The following METTL9 variants were observed in gnomAD, a reference collection of about 807,000 sequenced individuals.
The protein encoded by METTL9 is methyltransferase 9, His-X-His N1(pi)-histidine.
In METTL9, 10 loss-of-function variants were observed where a neutral mutation model predicts 36.0. That is an observed-to-expected ratio of 0.28 (90% CI 0.17 to 0.47). The LOEUF (loss-of-function observed/expected upper bound fraction) is 0.47. Among genes scored for constraint, METTL9 ranks in the 20% least tolerant of loss-of-function variants. METTL9 has a pLI of 0.99. For synonymous variants in METTL9, 175 were observed against 149.7 expected (o/e 1.17, Z -1.23); for missense variants, 246 against 383.5 (o/e 0.64, Z 3.00).
chr16:21,622,305 A>T (rs1965724829), intron 3 of METTL9, among the ~76,000 whole-genome samples: 1 of 150,756 alleles, frequency 6.6e-6, no homozygotes, highest in African/African-American at 2.5e-5. Flanking sequence ...GTGTGCCACC[A>T]TCCTTGGCTA....
chr16:21,630,361 C>T (rs750817366), intron 4 of METTL9, among the ~76,000 whole-genome samples: 64 of 152,238 alleles, frequency 4.2e-4, no homozygotes, highest in Non-Finnish European at 6.8e-4. Flanking sequence ...GCAGAGGGAG[C>T]CGGCTCTGGC....
At chr16:21,619,622 G>T in intron 3 of METTL9, among the ~76,000 whole-genome samples, 1 of 130,526 alleles carries the variant, frequency 7.7e-6, no homozygotes. Context: ...ATTTTTAGTA[G>T]AGACAGGGTT....
At position 21,613,168 on chromosome 16, in the gene METTL9, C is replaced by CTTTTTTTT. The variant is rs57388340; in HGVS notation, c.356+362_356+369dup. ...ATCAGGGGCTAGGTCTGAGAGTCTG[C>CTTTTTTTT]TTTTTTTTTTTTTTTTTTTTTTTTT... is the stretch of plus-strand genomic sequence containing the variant. On this transcript the variant is annotated intron_variant, in intron 2 of 4. Coordinates refer to ENST00000358154, the MANE Select transcript of METTL9 (RefSeq NM_016025.5). Among the ~76,000 whole-genome samples, 115 of 91,408 alleles carry CTTTTTTTT rather than the reference C, an allele frequency of 1.3e-3. 21 individuals are homozygous for CTTTTTTTT. The highest frequency in any genetic ancestry group is 3.7e-3 in the African/African-American group (69 of 18,516). 60.0% of individuals were successfully genotyped at this position (91,408 alleles called of 152,430 possible).
intron 1 of METTL9, among the ~76,000 whole-genome samples, chr16:21,608,617 T>G (rs888182941): frequency 9.2e-5 from 14 of 152,120 alleles, no homozygotes; most frequent in Admixed American, 5.9e-4. Flanking sequence ...CAGGGGACAT[T>G]TGGCAATGCC....
chr16:21,626,234 C>T (rs1597759416), intron 4 of METTL9, among the ~76,000 whole-genome samples: 1 of 152,172 alleles, frequency 6.6e-6, no homozygotes. Flanking sequence ...ATTTCACTGC[C>T]TCGATTGACC....
chr16:21,611,817 C>G (rs1965433016), intron 1 of METTL9, among the ~76,000 whole-genome samples: 1 of 152,148 alleles, frequency 6.6e-6, no homozygotes, highest in Admixed American at 6.5e-5. Context: ...GTCTGCTTCC[C>G]CACCTCTCTG....
chr16:21,617,293 C>G (rs1399355628), intron 2 of METTL9, among the ~76,000 whole-genome samples: 1 of 151,782 alleles, frequency 6.6e-6, no homozygotes, highest in East Asian at 1.9e-4. Flanking sequence ...TGGCGGGCGC[C>G]TGTAGTCCCA....
chr16:21,649,042 G>A lies in METTL9; in HGVS notation c.752-6185G>A, dbSNP rs562495374. 1.4e-4 allele frequency among the ~76,000 whole-genome samples: 21 copies of A among 152,236 alleles called. No individual in the cohort carries two copies. In the South Asian group the frequency reaches 4.3e-3, roughly 32 times the overall value. On this transcript the variant is annotated intron_variant, in intron 4 of 4. Coordinates refer to ENST00000358154, the MANE Select transcript of METTL9 (RefSeq NM_016025.5). Reference sequence around the variant, plus strand: ...CAGAGTCTCTGTCTCCCAGGCTGGAGTGCAATGGTGCAATCACGGCACACT... The same window carrying A: ...CAGAGTCTCTGTCTCCCAGGCTGGAATGCAATGGTGCAATCACGGCACACT...
chr16:21,637,860 G>A (rs570272299), intron 4 of METTL9, among the ~76,000 whole-genome samples: 200 of 152,388 alleles, frequency 1.3e-3, no homozygotes, highest in African/African-American at 4.2e-3. Context: ...AGCGGACACC[G>A]AGGCCGAGGA....
chr16:21,652,830 G>T (rs1567350594), intron 4 of METTL9: 3 of 431,418 alleles, frequency 7.0e-6, no homozygotes, highest in Non-Finnish European at 1.2e-5. Flanking sequence ...AGTTGTCATA[G>T]GTGTTAGATG....
At chr16:21,619,315 A>G (rs1965634068) in intron 3 of METTL9, among the ~76,000 whole-genome samples, 1 of 151,274 alleles carries the variant, frequency 6.6e-6, no homozygotes, top group African/African-American at 2.4e-5. Context: ...CAGTTTCTCC[A>G]CTCCTTGACA....
At chr16:21,639,693 A>G (rs1396376770) in intron 4 of METTL9, 1 of 152,224 alleles carries the variant, frequency 6.6e-6, no homozygotes, top group Non-Finnish European at 1.5e-5. Context: ...GGCCCCACAC[A>G]TATACACATG....
chr16:21,629,214 C>T (rs1965884983), intron 4 of METTL9, among the ~76,000 whole-genome samples: 1 of 152,018 alleles, frequency 6.6e-6, no homozygotes, highest in Non-Finnish European at 1.5e-5. Flanking sequence ...GTTTGTGTTC[C>T]TCCCAGATAT....
intron 4 of METTL9, among the ~76,000 whole-genome samples, chr16:21,630,069 A>C (rs1359133999): frequency 6.6e-6 from 1 of 152,242 alleles, no homozygotes; most frequent in East Asian, 1.9e-4. Context: ...AGGTAGACAC[A>C]GAGTGCTGAT....
intron 3 of METTL9, among the ~76,000 whole-genome samples, chr16:21,619,782 T>C (rs1965649104): frequency 6.6e-6 from 1 of 151,988 alleles, no homozygotes. Context: ...ATTGGGAGAT[T>C]TCTATATATT....
intron 3 of METTL9, among the ~76,000 whole-genome samples, chr16:21,623,302 G>A (rs1965747060): frequency 6.6e-6 from 1 of 152,254 alleles, no homozygotes; most frequent in African/African-American, 2.4e-5. Context: ...AGAAAATGCA[G>A]CTAAGTGCTT....
intron 1 of METTL9, among the ~76,000 whole-genome samples, chr16:21,603,222 C>T (rs1489672320): frequency 6.6e-6 from 1 of 151,982 alleles, no homozygotes; most frequent in Non-Finnish European, 1.5e-5. Context: ...TCACTGCATC[C>T]TCGACCTCCT....
chr16:21,647,605 C>A, intron 4 of METTL9: 3 of 1,331,310 alleles, frequency 2.3e-6, no homozygotes, highest in Non-Finnish European at 3.0e-6. Flanking sequence ...TACCTTAATC[C>A]CAATATAAAT....
At chr16:21,615,892 A>T (rs1458927528) in intron 2 of METTL9, among the ~76,000 whole-genome samples, 2 of 152,132 alleles carry the variant, frequency 1.3e-5, no homozygotes, top group Admixed American at 6.5e-5. Context: ...GTCTTTTATG[A>T]GACGTGATTT....
Sources: allele counts gnomAD v4.1 joint callset (sites outside exome capture counted in the v4.1 genomes callset), GRCh38; gene constraint gnomAD v4.1.1; transcripts MANE v1.5; gene names NCBI Gene and HGNC (gene_info 2026-07-23, HGNC 2026-07-21).